MDGA2: variants seen among roughly 807,000 people sequenced by gnomAD.
The protein encoded by MDGA2 is MAM domain containing glycosylphosphatidylinositol anchor 2, also known as MAM domain-containing glycosylphosphatidylinositol anchor protein 2.
In MDGA2, 40 loss-of-function variants were observed where a neutral mutation model predicts 117.8. The ratio of observed to expected loss-of-function variants is 0.34; its 90% CI spans 0.26 to 0.44. The LOEUF is 0.44. Among genes scored for constraint, MDGA2 ranks in the 20% least tolerant of loss-of-function variants. MDGA2 has a pLI of 1.00. For missense variants in MDGA2, 1,123 were observed against 1,250.6 expected (o/e 0.90, Z 1.54); for synonymous variants, 452 against 439.0 (o/e 1.03, Z -0.37).
chr14:47,457,792 C>T (rs184142714), intron 1 of MDGA2, among the ~76,000 whole-genome samples: 1 of 146,962 alleles, frequency 6.8e-6, no homozygotes, highest in African/African-American at 2.5e-5. Context: ...CCTTCTCAGG[C>T]CACAGAGTCA....
intron 3 of MDGA2, among the ~76,000 whole-genome samples, chr14:47,191,173 T>C (rs10132207): frequency 0.41 from 61,556 of 151,576 alleles, 13,046 homozygotes; most frequent in African/African-American, 0.52. Flanking sequence ...AGTATGTGTC[T>C]ATTTTCCCCC....
chr14:47,179,481 TC>T (rs1429358743), intron 3 of MDGA2, among the ~76,000 whole-genome samples: 2 of 152,058 alleles, frequency 1.3e-5, no homozygotes, highest in African/African-American at 4.8e-5. Context: ...ACCTGATATA[TC>T]CATACTATTC....
rs75415612 is a variant in MDGA2, at chr14:47,558,484, G to T, written c.280+116033C>A. 2.8e-3 allele frequency among the ~76,000 whole-genome samples: 427 copies of T among 152,282 alleles called. 2 individuals are homozygous for T. Among genetic ancestry groups the T allele is most frequent in the African/African-American group, 9.8e-3 (407 of 41,554 alleles). ...GTACCTCAACAAATGAAGAACAACA[G>T]TCAAGTTTCCAAAAATAATAAGTAA... On this transcript the variant is annotated intron_variant, in intron 1 of 16. Coordinates refer to ENST00000399232, the MANE Select transcript of MDGA2 (RefSeq NM_001113498.3).
intron 6 of MDGA2, among the ~76,000 whole-genome samples, chr14:47,068,919 T>C (rs1156771855): frequency 6.6e-6 from 1 of 152,178 alleles, no homozygotes; most frequent in South Asian, 2.1e-4. Flanking sequence ...GCCCTTTCCC[T>C]TTCCAAAGTG....
chr14:47,438,778 C>G (rs566366607), intron 1 of MDGA2, among the ~76,000 whole-genome samples: 2 of 152,086 alleles, frequency 1.3e-5, no homozygotes, highest in Non-Finnish European at 2.9e-5. Flanking sequence ...GGCACAAATG[C>G]TTGGCAATGT....
chr14:47,538,704 TTC>T (rs1226955815), intron 1 of MDGA2, among the ~76,000 whole-genome samples: 6 of 152,092 alleles, frequency 3.9e-5, no homozygotes, highest in Non-Finnish European at 7.4e-5. Context: ...TTCTTTCTTT[TTC>T]TCTCTCTCTC....
chr14:46,860,518 C>G (rs1465527138), intron 14 of MDGA2, among the ~76,000 whole-genome samples: 1 of 151,800 alleles, frequency 6.6e-6, no homozygotes, highest in Admixed American at 6.6e-5. Context: ...CTCCAGTTTT[C>G]TTTTTTGATT....
intron 2 of MDGA2, among the ~76,000 whole-genome samples, chr14:47,245,420 T>C (rs1191128188): frequency 1.3e-5 from 2 of 151,976 alleles, no homozygotes; most frequent in Admixed American, 6.5e-5. Context: ...CTATTAGTAG[T>C]TAAGCTTTGG....
chr14:47,176,204 T>C (rs879681269), intron 3 of MDGA2, among the ~76,000 whole-genome samples: 1 of 152,014 alleles, frequency 6.6e-6, no homozygotes, highest in Non-Finnish European at 1.5e-5. Context: ...AGAATCAGTA[T>C]CGTGAAAATG....
At chr14:47,340,250 G>C (rs1890581116) in intron 1 of MDGA2, among the ~76,000 whole-genome samples, 1 of 152,022 alleles carries the variant, frequency 6.6e-6, no homozygotes, top group Non-Finnish European at 1.5e-5. Flanking sequence ...AATGATTCTG[G>C]CTAGCTAAAC....
intron 9 of MDGA2, among the ~76,000 whole-genome samples, chr14:46,956,463 T>C (rs972609714): frequency 2.0e-5 from 3 of 152,132 alleles, no homozygotes; most frequent in African/African-American, 7.2e-5. Flanking sequence ...ATCTGTCAGA[T>C]ACAACTCTAC....
intron 1 of MDGA2, among the ~76,000 whole-genome samples, chr14:47,332,142 A>T (rs962990348): frequency 6.6e-6 from 1 of 152,140 alleles, no homozygotes; most frequent in African/African-American, 2.4e-5. Flanking sequence ...GATCAAATCT[A>T]AACTTCTTTA....
chr14:46,943,542 T>C (rs908440312), intron 9 of MDGA2, among the ~76,000 whole-genome samples: 2 of 152,062 alleles, frequency 1.3e-5, no homozygotes, highest in African/African-American at 4.8e-5. Context: ...GTATGCAACA[T>C]TCACTTACTG....
At chr14:47,386,450 G>C (rs1431383677) in intron 1 of MDGA2, among the ~76,000 whole-genome samples, 1 of 152,076 alleles carries the variant, frequency 6.6e-6, no homozygotes, top group African/African-American at 2.4e-5. Context: ...ACAATGAAAT[G>C]GCCACCACTC....
intron 9 of MDGA2, among the ~76,000 whole-genome samples, chr14:46,945,558 C>T (rs1885143462): frequency 6.6e-6 from 1 of 151,996 alleles, no homozygotes; most frequent in South Asian, 2.1e-4. Context: ...CTCCTATGAC[C>T]CTTCTTCTAC....
chr14:47,427,521 AT>A (rs35593348), intron 1 of MDGA2, among the ~76,000 whole-genome samples: 36,378 of 152,048 alleles, frequency 0.24, 4,627 homozygotes, highest in Middle Eastern at 0.41. Flanking sequence ...GTAATTATTC[AT>A]TCAAATATAA....
At chr14:47,351,113 T>C (rs1890870213) in intron 1 of MDGA2, among the ~76,000 whole-genome samples, 1 of 141,300 alleles carries the variant, frequency 7.1e-6, no homozygotes, top group African/African-American at 2.6e-5. Flanking sequence ...AGTGTTGCTC[T>C]TGTCCCCCTG....
At chr14:47,600,427 T>C (rs1279557524) in intron 1 of MDGA2, among the ~76,000 whole-genome samples, 1 of 151,846 alleles carries the variant, frequency 6.6e-6, no homozygotes, top group African/African-American at 2.4e-5. Flanking sequence ...GAGCAAGATA[T>C]TGTCTCAAAA....
At chr14:47,214,750 T>C (rs1886021839) in intron 3 of MDGA2, among the ~76,000 whole-genome samples, 2 of 152,146 alleles carry the variant, frequency 1.3e-5, no homozygotes, top group Admixed American at 6.6e-5. Context: ...CACATAATTT[T>C]ATTTTAGGAA....
Sources: allele counts gnomAD v4.1 joint callset (sites outside exome capture counted in the v4.1 genomes callset), GRCh38; gene constraint gnomAD v4.1.1; transcripts MANE v1.5; gene names NCBI Gene and HGNC (gene_info 2026-07-23, HGNC 2026-07-21).